The following ARHGAP29 variants were observed in gnomAD, a reference collection of about 807,000 sequenced individuals.
ARHGAP29 encodes the protein rho GTPase-activating protein 29.
ARHGAP29 carries 43 observed loss-of-function variants against 122.6 expected under a neutral mutation model. That is an observed-to-expected ratio of 0.35 (90% CI 0.27 to 0.45). The LOEUF is 0.45. ARHGAP29 is among the 20% of genes least tolerant of loss of function. The pLI is 1.00. For synonymous variants in ARHGAP29, 506 were observed against 497.1 expected (o/e 1.02, Z -0.24); for missense variants, 1,303 against 1,477.2 (o/e 0.88, Z 1.93).
At chr1:94,201,520 C>CCT (rs1182215807) in intron 12 of ARHGAP29, among the ~76,000 whole-genome samples, 200 bp downstream of exon 12, 42 of 2,528 alleles carry the variant, frequency 0.017, no homozygotes, top group African/African-American at 0.02. Flanking sequence ...CTCTCTCTCT[C>CCT]TCTCTCTCTC....
chr1:94,217,529 CAAAA>C (rs11297785), intron 3 of ARHGAP29, among the ~76,000 whole-genome samples: 1 of 127,704 alleles, frequency 7.8e-6, no homozygotes, highest in Non-Finnish European at 1.7e-5. Context: ...GACACCGTCT[CAAAA>C]AAAAAAAAAA....
chr1:94,311,351 AC>A, the ARHGAP29 span, among the ~76,000 whole-genome samples: 2 of 151,960 alleles, frequency 1.3e-5, no homozygotes, highest in African/African-American at 4.8e-5. Flanking sequence ...AATGGAATCA[AC>A]CTTTTCTTCT....
At chr1:94,179,680 A>C (rs754697699) in intron 20 of ARHGAP29, 45 bp downstream of exon 20, 4 of 1,272,550 alleles carry the variant, frequency 3.1e-6, no homozygotes, top group Non-Finnish European at 4.4e-6. Flanking sequence ...CAAAAAACAA[A>C]TCAATTGCCC....
chr1:94,177,840 G>A lies in ARHGAP29; in HGVS notation c.2796+12C>T, dbSNP rs984810321. 1.9e-6 allele frequency: 3 copies of A among 1,598,706 alleles called. No individual in the cohort carries two copies. The highest frequency in any genetic ancestry group is 2.6e-6 in the Non-Finnish European group (3 of 1,174,046). ...CAAAGTTCTAATATAATTCTATAAA[G>A]GTCAAACTCACTTCCTTTGAAGAAA... On this transcript the variant is annotated intron_variant, in intron 21 of 22. Transcript: ENST00000260526.
At chr1:94,241,699 TTA>T (rs1405333926), upstream of ARHGAP29, among the ~76,000 whole-genome samples, 1 of 51,214 alleles carries the variant, frequency 2.0e-5, no homozygotes, top group African/African-American at 6.3e-5. Flanking sequence ...ATATATGTAA[TTA>T]TATATGATAT....
rs954303155 is a variant in ARHGAP29 at position 94,189,265 on chromosome 1, A to G, written c.1527T>C (p.Ser509=). 21 of 1,613,070 alleles carry G rather than the reference A, an allele frequency of 1.3e-5. No homozygotes were observed. The East Asian group carries it at 1.3e-4, about 10-fold the overall frequency. The change falls in exon 14 of 23, where the codon AGT becomes AGC. Residue 509 remains serine, a synonymous_variant. Coordinates refer to ENST00000260526, the MANE Select transcript of ARHGAP29 (RefSeq NM_004815.4). The stretch of plus-strand genomic sequence containing the variant: ...ATCTGTCCTCTTCAATTTTATTAGA[A>G]CTGTCAGGAAGGCGTACAACATCCT... ...SLEDVVRLPD[S]SNKIEEDRCS...
chr1:94,213,693 C>A (rs1285718138), intron 3 of ARHGAP29, among the ~76,000 whole-genome samples: 3 of 152,166 alleles, frequency 2.0e-5, no homozygotes, highest in Non-Finnish European at 4.4e-5. Flanking sequence ...AGTCAGTCTG[C>A]CTAAGTTAAA....
At chr1:94,290,795 T>A in the ARHGAP29 span, among the ~76,000 whole-genome samples, 1 of 152,224 alleles carries the variant, frequency 6.6e-6, no homozygotes, top group Non-Finnish European at 1.5e-5. Context: ...AGAGAGTTTG[T>A]TGTGATTTCT....
chr1:94,267,103 C>T (rs532310125), intron 1 of ARHGAP29, among the ~76,000 whole-genome samples: 12 of 152,274 alleles, frequency 7.9e-5, no homozygotes, highest in African/African-American at 2.9e-4. Context: ...GAAATTACTC[C>T]CATAGCTTAG....
At chr1:94,265,616 A>G (rs564273504) in intron 1 of ARHGAP29, among the ~76,000 whole-genome samples, 1 of 152,260 alleles carries the variant, frequency 6.6e-6, no homozygotes, top group South Asian at 2.1e-4. Context: ...TCATCCCTCT[A>G]TAGCGTGTTC....
At chr1:94,228,786 T>G (rs1339760315) in intron 2 of ARHGAP29, among the ~76,000 whole-genome samples, 1 of 151,808 alleles carries the variant, frequency 6.6e-6, no homozygotes, top group Non-Finnish European at 1.5e-5. Context: ...AAGCTGTTTA[T>G]CTAAGACTAG....
chr1:94,296,383 A>G, the ARHGAP29 span, among the ~76,000 whole-genome samples: 1 of 152,198 alleles, frequency 6.6e-6, no homozygotes, highest in African/African-American at 2.4e-5. Flanking sequence ...TGATGCTGGC[A>G]TATTTTTATA....
upstream of ARHGAP29, among the ~76,000 whole-genome samples, chr1:94,275,435 G>T (rs1655146719): frequency 6.6e-6 from 1 of 152,202 alleles, no homozygotes; most frequent in Non-Finnish European, 1.5e-5. Context: ...GCTCTAATAT[G>T]TTGAAGAATG....
chr1:94,241,114 A>G (rs1216888226), upstream of ARHGAP29, among the ~76,000 whole-genome samples: 1 of 152,196 alleles, frequency 6.6e-6, no homozygotes, highest in Admixed American at 6.5e-5. Context: ...CCAAAAGGTC[A>G]ATAGTGTCAA....
At chr1:94,178,225 T>C in intron 20 of ARHGAP29, 58 bp from the exon 21 acceptor site, 1 of 1,504,760 alleles carries the variant, frequency 6.6e-7, no homozygotes, top group Non-Finnish European at 9.0e-7. Flanking sequence ...TCCTTGACTG[T>C]AGTTTACTAT....
intron 1 of ARHGAP29, among the ~76,000 whole-genome samples, chr1:94,233,410 C>G (rs201855115): frequency 3.9e-5 from 1 of 25,556 alleles, no homozygotes; most frequent in East Asian, 1.1e-3. Context: ...TGCTACCACA[C>G]TAGTGAATTA....
intron 2 of ARHGAP29, among the ~76,000 whole-genome samples, chr1:94,223,733 G>T (rs191961158): frequency 6.6e-6 from 1 of 151,852 alleles, no homozygotes; most frequent in East Asian, 1.9e-4. Flanking sequence ...ATTAAATCTA[G>T]TAGATATGAA....
the ARHGAP29 span, among the ~76,000 whole-genome samples, chr1:94,309,979 T>C: frequency 6.6e-6 from 1 of 152,170 alleles, no homozygotes; most frequent in Non-Finnish European, 1.5e-5. Flanking sequence ...AATAAATAAA[T>C]ATGAGTAAAC....
chr1:94,181,656 T>C (rs1282285275), intron 19 of ARHGAP29, among the ~76,000 whole-genome samples: 1 of 152,130 alleles, frequency 6.6e-6, no homozygotes, highest in Non-Finnish European at 1.5e-5. Flanking sequence ...CGAAGACTTC[T>C]TGTGTTCAAG....
Sources: allele counts gnomAD v4.1 joint callset (sites outside exome capture counted in the v4.1 genomes callset), GRCh38; gene constraint gnomAD v4.1.1; transcripts MANE v1.5; gene names NCBI Gene and HGNC (gene_info 2026-07-23, HGNC 2026-07-21).